Variants in COL11A1 observed in about 807,000 individuals in gnomAD.
COL11A1 encodes the protein collagen alpha-1(XI) chain.
COL11A1 carries 74 observed loss-of-function variants against 265.2 expected under a neutral mutation model. The ratio of observed to expected loss-of-function variants is 0.28; its 90% confidence interval spans 0.23 to 0.34. The LOEUF is 0.34. COL11A1 is among the 10% of genes least tolerant of loss of function. The pLI, the probability that COL11A1 is intolerant of heterozygous loss-of-function variation, is 1.00. For missense variants in COL11A1, 2,165 were observed against 2,263.6 expected (o/e 0.96, Z 0.88); for synonymous variants, 816 against 727.6 (o/e 1.12, Z -1.96).
Position 102,975,450 on chromosome 1 carries a change from T to C in COL11A1, c.2755-567A>G, listed in dbSNP as rs201358675. 5.9e-5 allele frequency among the ~76,000 whole-genome samples: 9 copies of C among 152,270 alleles called. No homozygotes were observed. The East Asian group carries it at 1.4e-3, about 23-fold the overall frequency. ...ATGATGTCAATATATTTTTTACTCA[T>C]GTATAAATTTCTTTTGTAGATAAGG... On this transcript the variant is annotated intron_variant, in intron 35 of 66. Transcript: ENST00000370096.
chr1:102,916,883 G>A (rs1284419285), intron 49 of COL11A1, among the ~76,000 whole-genome samples: 3 of 151,872 alleles, frequency 2.0e-5, no homozygotes, highest in Non-Finnish European at 2.9e-5. Context: ...TCAGTAGAAT[G>A]TAATGATGTT....
intron 31 of COL11A1, among the ~76,000 whole-genome samples, chr1:102,983,773 T>TA (rs1292834278): frequency 6.6e-6 from 1 of 152,072 alleles, no homozygotes; most frequent in Non-Finnish European, 1.5e-5. Context: ...GTATTAATTT[T>TA]AAAAACTCAA....
rs35232764 is a variant in COL11A1, at chr1:102,890,516, C to CAA, written c.4303-14_4303-13dup. ...AAGCCAGGAGGTCCCTAAATAATAA[C>CAA]AAAAAAAAAACCCCAAAACAAAAAC... On this transcript the variant is annotated splice_polypyrimidine_tract_variant and intron_variant, in intron 57 of 66. Transcript: ENST00000370096. 151 of 1,416,156 alleles carry CAA rather than the reference C, an allele frequency of 1.1e-4. No homozygotes were observed. The highest frequency in any genetic ancestry group is 3.3e-4 in the African/African-American group (23 of 69,244). The allele number at this position is 1,416,156 out of a possible 1,614,324, so 87.7% of individuals were successfully genotyped here. A position where few individuals can be genotyped will look rare whatever the true frequency, so the allele number is the denominator to read the frequency against.
Position 102,948,603 on chromosome 1 carries a change from T to G in COL11A1, c.3169-1647A>C, listed in dbSNP as rs919798858. Among the ~76,000 whole-genome samples the G allele has an allele frequency of 2.4e-4, 37 of 152,172 alleles. 1 individual carries two copies. Among genetic ancestry groups the G allele is most frequent in the African/African-American group, 8.9e-4 (37 of 41,564 alleles). ...TCAAAAACTAATCTAGGGAATATTCTTATATTGCATAATAAATGAGTTGTA... is the reference window on the plus strand; with the variant it reads ...TCAAAAACTAATCTAGGGAATATTCGTATATTGCATAATAAATGAGTTGTA... On this transcript the variant is annotated intron_variant, in intron 41 of 66. Transcript: ENST00000370096.
At chr1:102,993,619 C>A (rs1189909501) in intron 28 of COL11A1, among the ~76,000 whole-genome samples, 1 of 152,002 alleles carries the variant, frequency 6.6e-6, no homozygotes, top group Non-Finnish European at 1.5e-5. Flanking sequence ...CTTATTGCAG[C>A]CTTGACCTCC....
intron 37 of COL11A1, among the ~76,000 whole-genome samples, chr1:102,967,664 C>CT (rs987595040): frequency 6.6e-6 from 1 of 152,050 alleles, no homozygotes; most frequent in African/African-American, 2.4e-5. Context: ...ATCTTCCTAC[C>CT]TTTTTCTGAA....
chr1:102,892,039 TA>T (rs1651842201), intron 57 of COL11A1, among the ~76,000 whole-genome samples: 2 of 152,184 alleles, frequency 1.3e-5, no homozygotes, highest in South Asian at 2.1e-4. Flanking sequence ...AAACTGATGC[TA>T]AAAAAATGAT....
At chr1:103,049,776 C>T (rs1033125372) in intron 4 of COL11A1, among the ~76,000 whole-genome samples, 1 of 152,142 alleles carries the variant, frequency 6.6e-6, no homozygotes, top group Non-Finnish European at 1.5e-5. Context: ...CCTTCAGGAG[C>T]TCTTGTAGGG....
intron 13 of COL11A1, among the ~76,000 whole-genome samples, 183 bp from the exon 14 acceptor site, chr1:103,012,652 A>C (rs530870376): frequency 6.6e-6 from 1 of 152,304 alleles, no homozygotes; most frequent in African/African-American, 2.4e-5. Context: ...AAAGAGGTAA[A>C]TATCAGACAT....
At chr1:102,953,030 G>A (rs1269856898) in intron 41 of COL11A1, among the ~76,000 whole-genome samples, 1 of 152,278 alleles carries the variant, frequency 6.6e-6, no homozygotes, top group East Asian at 1.9e-4. Flanking sequence ...ATGGCAGGAA[G>A]CAGCCCTTGA....
At chr1:102,904,482 A>T (rs1653646744) in intron 54 of COL11A1, among the ~76,000 whole-genome samples, 1 of 152,182 alleles carries the variant, frequency 6.6e-6, no homozygotes, top group Non-Finnish European at 1.5e-5. Flanking sequence ...TTATCTGACA[A>T]AGGGCTAATA....
At chr1:102,893,054 A>G (rs1351714884) in intron 57 of COL11A1, among the ~76,000 whole-genome samples, 2 of 152,176 alleles carry the variant, frequency 1.3e-5, no homozygotes, top group Admixed American at 6.5e-5. Context: ...TCTCCCCATT[A>G]CTGGGGCTTT....
chr1:102,956,343 T>C lies in COL11A1; in HGVS notation c.3168+5523A>G, dbSNP rs145641882. ...ATGTTATTTTATCTGCTCTTTGTCCTCCTCAGTAAACCATAAGCTCTTTGC... is the reference window on the plus strand; with the variant it reads ...ATGTTATTTTATCTGCTCTTTGTCCCCCTCAGTAAACCATAAGCTCTTTGC... On this transcript the variant is annotated intron_variant, in intron 41 of 66. Transcript: ENST00000370096. Among the ~76,000 whole-genome samples, 632 of 152,290 alleles carry C rather than the reference T, an allele frequency of 4.1e-3. 4 individuals carry two copies. Among genetic ancestry groups the C allele is most frequent in the African/African-American group, 0.015 (603 of 41,560 alleles).
chr1:102,927,005 T>A (rs1034425314), intron 46 of COL11A1, among the ~76,000 whole-genome samples: 3 of 152,116 alleles, frequency 2.0e-5, no homozygotes, highest in Non-Finnish European at 2.9e-5. Flanking sequence ...AAATAAAAAA[T>A]CTTGTTATCT....
intron 4 of COL11A1, among the ~76,000 whole-genome samples, chr1:103,034,567 T>C (rs1161098020): frequency 6.6e-6 from 1 of 152,124 alleles, no homozygotes; most frequent in Non-Finnish European, 1.5e-5. Flanking sequence ...TGCTACTTTC[T>C]ATTTGGTAAG....
intron 4 of COL11A1, among the ~76,000 whole-genome samples, chr1:103,037,359 GT>G (rs1363860983): frequency 1.9e-4 from 29 of 151,946 alleles, no homozygotes; most frequent in African/African-American, 7.0e-4. Context: ...ATGTCAATGT[GT>G]TAGTGCTAAG....
Position 103,108,192 on chromosome 1 carries a change from A to G in COL11A1, c.-14T>C. ...CCACGGCTCCATCTCCGAGCCCCGC[A>G]CTCACAACTGTGAACTCAACCCACG... On this transcript the variant is annotated 5_prime_UTR_variant, in exon 1 of 67. Transcript: ENST00000370096. The G allele has an allele frequency of 6.2e-7, 1 of 1,609,994 alleles. No individual in the cohort carries two copies. The highest frequency in any genetic ancestry group is 1.7e-5 in the Admixed American group (1 of 59,974).
chr1:103,070,589 TG>T (rs1671507176), intron 4 of COL11A1, among the ~76,000 whole-genome samples: 1 of 151,906 alleles, frequency 6.6e-6, no homozygotes. Flanking sequence ...AGGAATCTCT[TG>T]GGTGAGATGG....
At chr1:103,084,800 T>G (rs1372518311) in intron 1 of COL11A1, among the ~76,000 whole-genome samples, 1 of 152,160 alleles carries the variant, frequency 6.6e-6, no homozygotes, top group South Asian at 2.1e-4. Context: ...AACTTCTACA[T>G]TGAGCAAATC....
Sources: gnomAD v4.1 joint callset for allele counts (sites outside exome capture counted in the v4.1 genomes callset) on GRCh38, gnomAD v4.1.1 for gene constraint, MANE v1.5 for transcripts, NCBI Gene and HGNC (gene_info 2026-07-23, HGNC 2026-07-21) for gene names.